The following NEK4 variants were observed in gnomAD, a reference collection of about 807,000 sequenced individuals.
NEK4 encodes NIMA related kinase 4, also known as serine/threonine-protein kinase Nek4.
NEK4 carries 86 observed loss-of-function variants against 98.4 expected under a neutral mutation model. The ratio of observed to expected loss-of-function variants is 0.87; its 90% confidence interval spans 0.73 to 1.05. The LOEUF is 1.05. Ranked by LOEUF, NEK4 falls within the 50% of genes least tolerant of loss-of-function variation. The pLI is 0.00. For synonymous variants in NEK4, 328 were observed against 342.2 expected, an observed-to-expected ratio of 0.96 and a Z score of 0.46; for missense variants, 898 against 950.3, an observed-to-expected ratio of 0.94 and a Z score of 0.72.
chr3:52,711,576 A>G lies in NEK4; in HGVS notation c.*201T>C. On this transcript the variant is annotated 3_prime_UTR_variant, in exon 16 of 16. Coordinates refer to ENST00000233027, the MANE Select transcript of NEK4 (RefSeq NM_003157.6). The stretch of plus-strand genomic sequence containing the variant: ...TCCTCACAAAGAGAATATGAAAGCC[A>G]AAGTTTTTTTTCTTTTGTGATCCTG... The G allele has an allele frequency of 2.4e-6, 1 of 419,092 alleles. No homozygotes were observed. The highest frequency in any genetic ancestry group is 4.2e-6 in the Non-Finnish European group (1 of 235,324). The allele number at this position is 419,092 out of a possible 1,614,324, so 26.0% of individuals were successfully genotyped here.
intron 4 of NEK4, among the ~76,000 whole-genome samples, chr3:52,765,179 C>T (rs1174700186): frequency 1.3e-5 from 2 of 151,776 alleles, no homozygotes; most frequent in African/African-American, 2.4e-5. Context: ...GGTGAAACCC[C>T]GTCTGTACTA....
intron 11 of NEK4, 48 bp from the exon 12 acceptor site, chr3:52,743,509 G>A: frequency 7.1e-7 from 1 of 1,417,262 alleles, no homozygotes; most frequent in Non-Finnish European, 1.0e-6. Flanking sequence ...GGCTGCCCCA[G>A]TTGAAAAGGG....
intron 15 of NEK4, among the ~76,000 whole-genome samples, chr3:52,714,659 C>T (rs2097353474): frequency 6.6e-6 from 1 of 152,206 alleles, no homozygotes; most frequent in Non-Finnish European, 1.5e-5. Flanking sequence ...CAGGCTGTCA[C>T]CTGCCGCTGG....
intron 15 of NEK4, among the ~76,000 whole-genome samples, chr3:52,735,528 G>A (rs2097374710): frequency 6.6e-6 from 1 of 152,210 alleles, no homozygotes; most frequent in South Asian, 2.1e-4. Flanking sequence ...TGTGTTTACA[G>A]ATGTTACTCA....
intron 15 of NEK4, among the ~76,000 whole-genome samples, chr3:52,714,653 C>T (rs1348069491): frequency 1.3e-5 from 2 of 152,204 alleles, no homozygotes; most frequent in Non-Finnish European, 2.9e-5. Flanking sequence ...TGGGGCCAGG[C>T]TGTCACCTGC....
intron 13 of NEK4, 147 bp downstream of exon 13, chr3:52,741,264 G>T: frequency 4.9e-6 from 2 of 409,644 alleles, no homozygotes; most frequent in Non-Finnish European, 4.3e-6. Context: ...AAAAAGAAGA[G>T]ACACTTTTAG....
intron 15 of NEK4, among the ~76,000 whole-genome samples, chr3:52,719,935 C>T (rs1004286998): frequency 1.3e-5 from 2 of 152,004 alleles, no homozygotes; most frequent in Admixed American, 1.3e-4. Flanking sequence ...AAATGAAGGG[C>T]ACCATTAACT....
chr3:52,750,746 G>A (rs2097403562), intron 7 of NEK4, among the ~76,000 whole-genome samples: 1 of 151,304 alleles, frequency 6.6e-6, no homozygotes, highest in Non-Finnish European at 1.5e-5. Flanking sequence ...GGGCAACATG[G>A]CCATGGCAAG....
chr3:52,770,717 C>A lies in NEK4; in HGVS notation c.30G>T (p.Arg10=), dbSNP rs1698750361. 6.3e-7 allele frequency: 1 copy of A among 1,576,750 alleles called. No individual in the cohort carries two copies. Among genetic ancestry groups the A allele is most frequent in the Non-Finnish European group, 8.6e-7 (1 of 1,162,330 alleles). The stretch of plus-strand genomic sequence containing the variant: ...CTCCATAGCTCCCCTTGCCCACGAC[C>A]CGCAGGTAGCAGTAGGCGGCCAGGG... The part of the protein sequence containing the change: MPLAAYCYL[R]VVGKGSYGEV... Residue 10 remains arginine (R), a synonymous_variant, in exon 1 of 16, where the codon CGG becomes CGT. Transcript: ENST00000233027.
intron 13 of NEK4, among the ~76,000 whole-genome samples, chr3:52,741,168 G>A (rs539857228): frequency 1.3e-4 from 19 of 150,646 alleles, no homozygotes; most frequent in Non-Finnish European, 2.4e-4. Flanking sequence ...CCCGGGAGGC[G>A]GAGCTTGCAG....
chr3:52,754,360 T>C, intron 6 of NEK4: 2 of 432,030 alleles, frequency 4.6e-6, no homozygotes, highest in South Asian at 3.9e-5. Flanking sequence ...ACTAACAATA[T>C]GCAGGGAGAG....
At chr3:52,760,525 T>C (rs1446083893) in intron 6 of NEK4, among the ~76,000 whole-genome samples, 1 of 152,256 alleles carries the variant, frequency 6.6e-6, no homozygotes, top group African/African-American at 2.4e-5. Context: ...CCTTAACTGT[T>C]TACTTTAAAA....
intron 15 of NEK4, among the ~76,000 whole-genome samples, chr3:52,715,671 G>A (rs766159916): frequency 3.3e-5 from 5 of 152,136 alleles, no homozygotes; most frequent in Non-Finnish European, 5.9e-5. Context: ...TTACAGGCGT[G>A]AGCTACCACG....
chr3:52,769,506 G>C (rs974178003), intron 1 of NEK4, among the ~76,000 whole-genome samples: 49 of 152,258 alleles, frequency 3.2e-4, no homozygotes, highest in African/African-American at 1.1e-3. Flanking sequence ...AATGTGTTTT[G>C]TGAAGTGTAA....
At chr3:52,743,059 A>G (rs2097389469) in intron 12 of NEK4, among the ~76,000 whole-genome samples, 1 of 152,256 alleles carries the variant, frequency 6.6e-6, no homozygotes, top group South Asian at 2.1e-4. Flanking sequence ...TGCTAGTATT[A>G]TAAGCGTGAG....
chr3:52,713,195 T>C (rs1401233849), intron 15 of NEK4, among the ~76,000 whole-genome samples: 1 of 152,200 alleles, frequency 6.6e-6, no homozygotes, highest in African/African-American at 2.4e-5. Context: ...ACCTAGTATG[T>C]TAAACAGATA....
chr3:52,749,746 A>G lies in NEK4; in HGVS notation c.1452T>C (p.Ser484=). 4.7e-6 allele frequency: 1 copy of G among 211,400 alleles called. No individual in the cohort carries two copies. Among genetic ancestry groups the G allele is most frequent in the Non-Finnish European group, 1.0e-5 (1 of 99,550 alleles). The allele number at this position is 211,400 out of a possible 1,614,324, so 13.1% of individuals were successfully genotyped here. ...CAGCTACTCGGGAGGCTGAGGCTGG[A>G]GAATCACTTGAACCCAGGAGGCGGA... is the stretch of plus-strand genomic sequence containing the variant. The part of the protein sequence containing the change: ...SNLRLLGSSD[S]PASASRVAGI... The change falls in exon 8 of 16, where the codon TCT becomes TCC. Residue 484 remains serine, a synonymous_variant. Coordinates refer to ENST00000233027, the MANE Select transcript of NEK4 (RefSeq NM_003157.6).
intron 6 of NEK4, among the ~76,000 whole-genome samples, chr3:52,755,377 T>A (rs1440852189): frequency 6.6e-6 from 1 of 151,912 alleles, no homozygotes; most frequent in Non-Finnish European, 1.5e-5. Context: ...GGACAATGAA[T>A]TATATGCTTC....
intron 15 of NEK4, among the ~76,000 whole-genome samples, chr3:52,735,283 T>C (rs757367670): frequency 6.6e-5 from 10 of 152,248 alleles, no homozygotes; most frequent in Non-Finnish European, 1.5e-4. Context: ...TTTAAAACAT[T>C]TGTTAGAGCG....
Sources: gnomAD v4.1 joint callset for allele counts (sites outside exome capture counted in the v4.1 genomes callset) on GRCh38, gnomAD v4.1.1 for gene constraint, MANE v1.5 for transcripts, NCBI Gene and HGNC (gene_info 2026-07-23, HGNC 2026-07-21) for gene names.